Variants in IGSF11 observed in about 807,000 individuals in gnomAD.
The protein encoded by IGSF11 is immunoglobulin superfamily member 11, also known as CXADR like 1.
In IGSF11, 22 loss-of-function variants were observed where a neutral mutation model predicts 41.0. The ratio of observed to expected loss-of-function variants is 0.54; its 90% CI spans 0.38 to 0.77. IGSF11 has a LOEUF of 0.77. IGSF11 is among the 30% of genes least tolerant of loss of function. The pLI is 0.00. For missense variants in IGSF11, 444 were observed against 530.8 expected, an observed-to-expected ratio of 0.84 and a Z score of 1.61; for synonymous variants, 219 against 201.3, an observed-to-expected ratio of 1.09 and a Z score of -0.74.
intron 1 of IGSF11, among the ~76,000 whole-genome samples, chr3:119,048,472 C>T (rs189503204): frequency 3.3e-5 from 5 of 152,208 alleles, no homozygotes; most frequent in Admixed American, 6.5e-5. Context: ...CTGAATAAAC[C>T]AATAACAGGA....
At chr3:119,121,361 G>A (rs1425484811) in intron 1 of IGSF11, among the ~76,000 whole-genome samples, 1 of 152,142 alleles carries the variant, frequency 6.6e-6, no homozygotes, top group Non-Finnish European at 1.5e-5. Flanking sequence ...GGAATAATGA[G>A]ATAAAAATTA....
At chr3:118,950,852 G>A (rs1944521188) in intron 1 of IGSF11, among the ~76,000 whole-genome samples, 1 of 152,102 alleles carries the variant, frequency 6.6e-6, no homozygotes, top group Admixed American at 6.5e-5. Context: ...GGGGTTGGGG[G>A]AACCTCAAAA....
chr3:119,024,045 T>C (rs985884842), intron 1 of IGSF11, among the ~76,000 whole-genome samples: 3 of 152,208 alleles, frequency 2.0e-5, no homozygotes, highest in African/African-American at 7.2e-5. Context: ...CAGCTCCCTG[T>C]AGCTCACAAC....
At chr3:119,122,288 T>A (rs1261662201) in intron 1 of IGSF11, among the ~76,000 whole-genome samples, 1 of 152,190 alleles carries the variant, frequency 6.6e-6, no homozygotes, top group African/African-American at 2.4e-5. Flanking sequence ...AACTCAGTGC[T>A]GCCCTCTCAC....
At chr3:119,065,353 T>G (rs1374162376) in intron 1 of IGSF11, among the ~76,000 whole-genome samples, 1 of 152,214 alleles carries the variant, frequency 6.6e-6, no homozygotes, top group Non-Finnish European at 1.5e-5. Context: ...CTGTGAAATC[T>G]CCTGGTCATC....
chr3:119,004,638 G>A (rs1268760266), intron 1 of IGSF11, among the ~76,000 whole-genome samples: 1 of 147,556 alleles, frequency 6.8e-6, no homozygotes, highest in Admixed American at 6.7e-5. Context: ...CTTTGAATGT[G>A]TCCCAGAGAT....
At chr3:119,097,704 C>T (rs2076876687) in intron 1 of IGSF11, among the ~76,000 whole-genome samples, 1 of 152,106 alleles carries the variant, frequency 6.6e-6, no homozygotes, top group South Asian at 2.1e-4. Flanking sequence ...AGGAGAGTAC[C>T]TTTATTGAGA....
intron 1 of IGSF11, among the ~76,000 whole-genome samples, chr3:119,121,208 TA>T (rs2077329743): frequency 6.6e-6 from 1 of 152,070 alleles, no homozygotes; most frequent in African/African-American, 2.4e-5. Context: ...AAGCAACTAA[TA>T]GAAAATATCC....
upstream of IGSF11, among the ~76,000 whole-genome samples, chr3:119,110,185 T>G (rs1026930195): frequency 1.3e-5 from 2 of 152,106 alleles, no homozygotes; most frequent in Admixed American, 6.6e-5. Context: ...ATGTTGACAG[T>G]GGGGTGTTAA....
chr3:119,060,646 C>A (rs1942024067), intron 1 of IGSF11, among the ~76,000 whole-genome samples: 6 of 152,112 alleles, frequency 3.9e-5, no homozygotes, highest in Admixed American at 3.9e-4. Flanking sequence ...CTTTAAACTG[C>A]ATAGTCAAGA....
chr3:118,937,190 G>A (rs754157060), intron 1 of IGSF11, among the ~76,000 whole-genome samples: 4 of 152,090 alleles, frequency 2.6e-5, no homozygotes, highest in Non-Finnish European at 5.9e-5. Flanking sequence ...CAATATCAGT[G>A]GTCACAAAAT....
intron 1 of IGSF11, among the ~76,000 whole-genome samples, chr3:118,991,296 G>A (rs1935771842): frequency 6.6e-6 from 1 of 152,184 alleles, no homozygotes; most frequent in Admixed American, 6.5e-5. Flanking sequence ...CACTATTGTT[G>A]TGGGCAGGCC....
At chr3:118,916,549 G>T (rs201680555) in intron 4 of IGSF11, among the ~76,000 whole-genome samples, 1 of 151,238 alleles carries the variant, frequency 6.6e-6, no homozygotes, top group Non-Finnish European at 1.5e-5. Context: ...TTCAACAAGA[G>T]GAGCTAACTA....
intron 1 of IGSF11, among the ~76,000 whole-genome samples, chr3:119,071,374 G>A (rs1042184366): frequency 2.0e-5 from 3 of 151,978 alleles, no homozygotes; most frequent in Non-Finnish European, 4.4e-5. Flanking sequence ...TGTGCTTTTG[G>A]TGTCATATTT....
At chr3:119,007,464 C>T (rs889219230) in intron 1 of IGSF11, among the ~76,000 whole-genome samples, 1 of 152,076 alleles carries the variant, frequency 6.6e-6, no homozygotes, top group African/African-American at 2.4e-5. Context: ...GGAGCTGTTC[C>T]TATTCGGCCA....
rs1941238608 is a variant in IGSF11, at chr3:119,044,411, A to G, written c.49+60733T>C. On this transcript the variant is annotated intron_variant, in intron 1 of 6. Transcript: ENST00000354673. ...AAACAAAGCCTCCAAGAAATTTGGG[A>G]TTATGTTAAATGACCAAACATAAGA... 2.0e-5 allele frequency among the ~76,000 whole-genome samples: 3 copies of G among 151,968 alleles called. No homozygotes were observed. In the South Asian group the frequency reaches 6.2e-4, roughly 31 times the overall value.
intron 1 of IGSF11, among the ~76,000 whole-genome samples, chr3:119,020,275 G>A (rs886743512): frequency 6.6e-6 from 1 of 152,086 alleles, no homozygotes; most frequent in Admixed American, 6.6e-5. Flanking sequence ...GACACTACTA[G>A]GTCTCTCATA....
chr3:118,962,301 ATAATT>A (rs754084718), intron 1 of IGSF11, among the ~76,000 whole-genome samples: 2 of 152,204 alleles, frequency 1.3e-5, no homozygotes, highest in Non-Finnish European at 2.9e-5. Flanking sequence ...TTACATGACT[ATAATT>A]TATAAGTTTT....
At chr3:119,020,128 C>T (rs2107711484) in intron 1 of IGSF11, among the ~76,000 whole-genome samples, 1 of 152,310 alleles carries the variant, frequency 6.6e-6, no homozygotes, top group East Asian at 1.9e-4. Flanking sequence ...AAATAAATTT[C>T]TGTTGTTTAT....
Sources: gnomAD v4.1 joint callset for allele counts (sites outside exome capture counted in the v4.1 genomes callset) on GRCh38, gnomAD v4.1.1 for gene constraint, MANE v1.5 for transcripts, NCBI Gene and HGNC (gene_info 2026-07-23, HGNC 2026-07-21) for gene names.